TRIM44: variants seen among roughly 807,000 people sequenced by gnomAD.
The protein encoded by TRIM44 is tripartite motif containing 44.
Under a neutral mutation model 37.4 loss-of-function variants are expected in TRIM44, and 13 were observed. The ratio of observed to expected loss-of-function variants is 0.35; its 90% CI spans 0.23 to 0.55. The LOEUF (loss-of-function observed/expected upper bound fraction) is 0.55, where lower values mean the gene tolerates loss of function less well. Ranked by LOEUF, TRIM44 falls within the 20% of genes least tolerant of loss-of-function variation. TRIM44 has a pLI of 0.89. For synonymous variants in TRIM44, 175 were observed against 157.2 expected (o/e 1.11, Z -0.85); for missense variants, 426 against 437.2 (o/e 0.97, Z 0.23).
intron 4 of TRIM44, among the ~76,000 whole-genome samples, chr11:35,783,025 A>G (rs1244245830): frequency 6.6e-6 from 1 of 152,218 alleles, no homozygotes; most frequent in Admixed American, 6.5e-5. Context: ...TAACAAAAAC[A>G]AAAGCTCATA....
At chr11:35,727,488 A>G (rs912928117) in intron 3 of TRIM44, among the ~76,000 whole-genome samples, 3 of 152,240 alleles carry the variant, frequency 2.0e-5, no homozygotes, top group South Asian at 2.1e-4. Flanking sequence ...GGTATCTGCT[A>G]TACCCATCCA....
At chr11:35,692,257 G>C (rs1167258414) in intron 2 of TRIM44, among the ~76,000 whole-genome samples, 1 of 152,044 alleles carries the variant, frequency 6.6e-6, no homozygotes, top group East Asian at 1.9e-4. Context: ...TCTGATATAT[G>C]CTTTTTAAAT....
At chr11:35,664,473 T>C (rs1429717514) in intron 1 of TRIM44, among the ~76,000 whole-genome samples, 1 of 152,212 alleles carries the variant, frequency 6.6e-6, no homozygotes, top group African/African-American at 2.4e-5. Flanking sequence ...TTTATTCATA[T>C]TGTGGATGTT....
In TRIM44 at chr11:35,785,400, G is replaced by A. The variant is rs182218550; in HGVS notation, c.1008-20958G>A. On this transcript the variant is annotated intron_variant, in intron 4 of 4. Coordinates refer to ENST00000299413, the MANE Select transcript of TRIM44 (RefSeq NM_017583.6). The stretch of plus-strand genomic sequence containing the variant: ...ACCTAGAAGCCTTTTTGAAAGGGGT[G>A]CAGAAAGAAGAATGGATAGAAGGTG... 4.5e-4 allele frequency among the ~76,000 whole-genome samples: 69 copies of A among 152,362 alleles called. 1 individual carries two copies. Among genetic ancestry groups the A allele is most frequent in the African/African-American group, 1.6e-3 (66 of 41,596 alleles).
In TRIM44 at chr11:35,806,432, T is replaced by C; in HGVS notation, c.*47T>C. The C allele has an allele frequency of 6.2e-7, 1 of 1,604,142 alleles. No homozygotes were observed. The highest frequency in any genetic ancestry group is 8.5e-7 in the Non-Finnish European group (1 of 1,171,190). On this transcript the variant is annotated 3_prime_UTR_variant, in exon 5 of 5. Transcript: ENST00000299413. ...AAATCATCCCCTCCCCTTGTGTGTA[T>C]GTGACAGCGTGTATGTAACGGCTTC...
At chr11:35,683,044 A>C (rs1314220365) in intron 1 of TRIM44, among the ~76,000 whole-genome samples, 1 of 152,146 alleles carries the variant, frequency 6.6e-6, no homozygotes, top group Admixed American at 6.5e-5. Context: ...GCCAATGAGA[A>C]GCAGGTTAGA....
chr11:35,671,693 AG>A lies in TRIM44; in HGVS notation c.669+7916del, dbSNP rs141801550. 9.3e-3 allele frequency among the ~76,000 whole-genome samples: 1,410 copies of A among 152,338 alleles called. 28 individuals are homozygous for A. Among genetic ancestry groups the A allele is most frequent in the African/African-American group, 0.032 (1,330 of 41,576 alleles). Reference sequence around the variant, plus strand: ...GGTGATCCTACAGCAAGAGGGGATTAGGGATGGAGACAACCTGCTAGGCCAA... The same window carrying A: ...GGTGATCCTACAGCAAGAGGGGATTAGGATGGAGACAACCTGCTAGGCCAA... On this transcript the variant is annotated intron_variant, in intron 1 of 4. Transcript: ENST00000299413.
chr11:35,790,955 C>T (rs1034677383), intron 4 of TRIM44, among the ~76,000 whole-genome samples: 9 of 152,176 alleles, frequency 5.9e-5, no homozygotes, highest in African/African-American at 2.2e-4. Context: ...GTCCACTTCT[C>T]AGTTATACTC....
chr11:35,727,691 A>G (rs1852197158), intron 3 of TRIM44, among the ~76,000 whole-genome samples: 1 of 152,212 alleles, frequency 6.6e-6, no homozygotes, highest in East Asian at 1.9e-4. Context: ...TTTGAGATAC[A>G]GAGAACTGCA....
At chr11:35,735,141 T>G (rs1564986359) in intron 3 of TRIM44, among the ~76,000 whole-genome samples, 1 of 152,214 alleles carries the variant, frequency 6.6e-6, no homozygotes, top group African/African-American at 2.4e-5. Flanking sequence ...CTGCCAGCCA[T>G]ACAAATAAAA....
At chr11:35,702,452 A>G (rs978444881) in intron 2 of TRIM44, among the ~76,000 whole-genome samples, 5 of 152,212 alleles carry the variant, frequency 3.3e-5, no homozygotes, top group Non-Finnish European at 5.9e-5. Context: ...AAGGATGCCT[A>G]TGAACGGAAT....
chr11:35,666,060 T>A (rs1171328011), intron 1 of TRIM44, among the ~76,000 whole-genome samples: 1 of 152,212 alleles, frequency 6.6e-6, no homozygotes, highest in African/African-American at 2.4e-5. Context: ...CTTGTTCTAC[T>A]TAGTATTGAT....
chr11:35,763,583 A>G (rs1221504458), intron 4 of TRIM44, among the ~76,000 whole-genome samples: 2 of 152,278 alleles, frequency 1.3e-5, no homozygotes, highest in East Asian at 3.9e-4. Flanking sequence ...TGTGGTCCCT[A>G]AGGTTCCTTC....
chr11:35,788,118 C>T (rs964548028), intron 4 of TRIM44, among the ~76,000 whole-genome samples: 1 of 152,170 alleles, frequency 6.6e-6, no homozygotes, highest in African/African-American at 2.4e-5. Flanking sequence ...CCCCTTGGTC[C>T]TACAAGCAGG....
intron 4 of TRIM44, among the ~76,000 whole-genome samples, chr11:35,741,515 G>C (rs1054540735): frequency 6.6e-6 from 1 of 152,102 alleles, no homozygotes; most frequent in Non-Finnish European, 1.5e-5. Context: ...TGGAAATGTT[G>C]ACTAGAAGCA....
intron 2 of TRIM44, among the ~76,000 whole-genome samples, chr11:35,706,591 A>T (rs1324561239): frequency 2.6e-5 from 4 of 152,200 alleles, no homozygotes; most frequent in Non-Finnish European, 5.9e-5. Flanking sequence ...ATCCCTGGGA[A>T]GCAAGGCTGG....
chr11:35,688,914 A>G (rs1456642188), intron 2 of TRIM44, among the ~76,000 whole-genome samples: 2 of 151,910 alleles, frequency 1.3e-5, no homozygotes, highest in African/African-American at 2.4e-5. Context: ...TTTGCTAATG[A>G]TTTTTTTTCA....
At chr11:35,709,329 T>C (rs1851936932) in intron 2 of TRIM44, among the ~76,000 whole-genome samples, 1 of 152,208 alleles carries the variant, frequency 6.6e-6, no homozygotes, top group African/African-American at 2.4e-5. Flanking sequence ...ATCCCATTTT[T>C]ACATAAAATA....
chr11:35,796,295 A>G (rs1203476742), intron 4 of TRIM44, among the ~76,000 whole-genome samples: 2 of 152,228 alleles, frequency 1.3e-5, no homozygotes, highest in South Asian at 2.1e-4. Context: ...ATGCACACAT[A>G]CAGCGTGAAT....
Sources: allele counts gnomAD v4.1 joint callset (sites outside exome capture counted in the v4.1 genomes callset), GRCh38; gene constraint gnomAD v4.1.1; transcripts MANE v1.5; gene names NCBI Gene and HGNC (gene_info 2026-07-23, HGNC 2026-07-21).